Variants in HEPN1 observed in about 807,000 individuals in gnomAD.
HEPN1 encodes the protein protein HEPN1.
For missense variants in HEPN1, 97 were observed against 103.3 expected (o/e 0.94, Z 0.26); for synonymous variants, 46 against 41.2 (o/e 1.12, Z -0.45).
At chr11:124,920,442 C>T (rs954364993) in exon 1 of HEPN1, 5 of 1,546,528 alleles carry the variant, frequency 3.2e-6, no homozygotes, top group Non-Finnish European at 4.4e-6. Flanking sequence ...GCCAAGCTGG[C>T]AGGCTCGGGT....
chr11:124,920,534 T>G, exon 1 of HEPN1: 1 of 1,418,150 alleles, frequency 7.1e-7, no homozygotes, highest in Non-Finnish European at 9.4e-7. Context: ...GGTCCCCAGG[T>G]ACCAGGTGCC....
exon 1 of HEPN1, chr11:124,920,382 CAGAA>C: frequency 1.3e-6 from 2 of 1,546,988 alleles, no homozygotes; most frequent in African/African-American, 1.4e-5. Context: ...TGAACAGAGA[CAGAA>C]AGAGTGCTTG....
At chr11:124,920,107 T>G (rs1013865157) in exon 1 of HEPN1, 15 of 1,415,470 alleles carry the variant, frequency 1.1e-5, no homozygotes, top group Non-Finnish European at 1.4e-5. Flanking sequence ...TTGGATCATG[T>G]TCCCCCCAAA....
chr11:124,920,160 T>A, exon 1 of HEPN1: 1 of 1,006,958 alleles, frequency 9.9e-7, no homozygotes, highest in South Asian at 1.6e-5. Context: ...ACCATTTCTC[T>A]GGAGATTAGG....
chr11:124,920,006 A>T (rs1947104447), exon 1 of HEPN1: 3 of 1,612,506 alleles, frequency 1.9e-6, no homozygotes, highest in Non-Finnish European at 2.5e-6. Context: ...CTTTATTTTG[A>T]TGTTAGTGTG....
At chr11:124,920,374 A>T in exon 1 of HEPN1, 1 of 1,545,300 alleles carries the variant, frequency 6.5e-7, no homozygotes, top group African/African-American at 1.4e-5. Flanking sequence ...TTTATTCATG[A>T]ACAGAGACAG....
chr11:124,920,632 G>C, exon 1 of HEPN1: 4 of 1,008,156 alleles, frequency 4.0e-6, no homozygotes, highest in Non-Finnish European at 4.7e-6. Flanking sequence ...CCTTAGCTTA[G>C]TGCAGCTGTG....
exon 1 of HEPN1, chr11:124,920,112 C>T (rs1947106607): frequency 7.2e-7 from 1 of 1,385,122 alleles, no homozygotes; most frequent in South Asian, 1.4e-5. Context: ...TCATGTTCCC[C>T]CCAAATGCTG....
At position 124,920,149 on chromosome 11, in the gene HEPN1, C is replaced by A. The variant is rs886047920; in HGVS notation, c.*132C>A. 1.6e-4 allele frequency: 173 copies of A among 1,058,408 alleles called. No homozygotes were observed. The African/African-American group carries it at 2.1e-3, about 13-fold the overall frequency. 65.6% of individuals were successfully genotyped at this position (1,058,408 alleles called of 1,614,324 possible). On this transcript the variant is annotated 3_prime_UTR_variant, in exon 1 of 1. Transcript: ENST00000408930. ...GAAGCAATAAGCCTCCTCCTCCCCCCACCATTTCTCTGGAGATTAGGACTT... is the reference window on the plus strand; with the variant it reads ...GAAGCAATAAGCCTCCTCCTCCCCCAACCATTTCTCTGGAGATTAGGACTT...
exon 1 of HEPN1, chr11:124,920,629 T>A: frequency 9.5e-7 from 1 of 1,050,498 alleles, no homozygotes; most frequent in Non-Finnish European, 1.2e-6. Flanking sequence ...TCTCCTTAGC[T>A]TAGTGCAGCT....
chr11:124,920,392 G>C, exon 1 of HEPN1: 3 of 1,548,454 alleles, frequency 1.9e-6, no homozygotes, highest in Non-Finnish European at 1.7e-6. Context: ...CAGAAAGAGT[G>C]CTTGGCATGG....
At chr11:124,919,586 G>A (rs1438472405) in exon 1 of HEPN1, 1 of 684,428 alleles carries the variant, frequency 1.5e-6, no homozygotes, top group African/African-American at 1.8e-5. Flanking sequence ...AGGCACCTGG[G>A]AAGTTTAGGG....
rs1565335668 is a variant in HEPN1, at chr11:124,919,603, C to T, written c.-148C>T. On this transcript the variant is annotated 5_prime_UTR_variant, in exon 1 of 1. It introduces an in-frame stop codon into an upstream open reading frame of the 5' UTR. Coordinates refer to ENST00000408930, the Ensembl canonical transcript of HEPN1. ...GCACCTGGGAAGTTTAGGGGAGCTG[C>T]GAAGGCACACCTGCTCAAATGAGCC... 8 of 850,312 alleles carry T rather than the reference C, an allele frequency of 9.4e-6. No individual in the cohort carries two copies. In the African/African-American group the frequency reaches 1.0e-4, roughly 11 times the overall value. The allele number at this position is 850,312 out of a possible 1,614,324, so 52.7% of individuals were successfully genotyped here. A position where few individuals can be genotyped will look rare whatever the true frequency, so the allele number is the denominator to read the frequency against.
At chr11:124,920,437 G>A (rs1947112219) in exon 1 of HEPN1, 5 of 1,547,412 alleles carry the variant, frequency 3.2e-6, no homozygotes, top group Non-Finnish European at 3.5e-6. Flanking sequence ...AGGAGGCCAA[G>A]CTGGCAGGCT....
chr11:124,919,720 C>A lies in HEPN1; in HGVS notation c.-31C>A. On this transcript the variant is annotated 5_prime_UTR_variant, in exon 1 of 1. In the 5' UTR this introduces an upstream ATG that the reference lacks. Transcript: ENST00000408930. ...ACTAGAAATGTCAGTGCCTTTGGGG[C>A]TGAGACAAAACTTGACCTGGTGTGG... is the stretch of plus-strand genomic sequence containing the variant. 1 of 1,608,480 alleles carries A rather than the reference C, an allele frequency of 6.2e-7. No individual in the cohort carries two copies. The highest frequency in any genetic ancestry group is 8.5e-7 in the Non-Finnish European group (1 of 1,177,356).
exon 1 of HEPN1, chr11:124,920,448 C>G (rs373102814): frequency 3.2e-6 from 5 of 1,545,890 alleles, no homozygotes; most frequent in Non-Finnish European, 4.4e-6. Flanking sequence ...CTGGCAGGCT[C>G]GGGTTCTTTG....
exon 1 of HEPN1, chr11:124,920,015 T>G: frequency 6.2e-7 from 1 of 1,611,832 alleles, no homozygotes; most frequent in South Asian, 1.1e-5. Context: ...GATGTTAGTG[T>G]GATTAGGGAG....
exon 1 of HEPN1, chr11:124,919,749 T>C: frequency 6.2e-7 from 1 of 1,612,694 alleles, no homozygotes; most frequent in Non-Finnish European, 8.5e-7. Flanking sequence ...GGTGTGGAGG[T>C]GATGGGTAAC....
chr11:124,920,528 C>T, exon 1 of HEPN1: 1 of 1,433,380 alleles, frequency 7.0e-7, no homozygotes, highest in South Asian at 1.3e-5. Flanking sequence ...CTTGTAGGTC[C>T]CCAGGTACCA....
Sources: allele counts gnomAD v4.1 joint callset, GRCh38; gene constraint gnomAD v4.1.1; transcripts MANE v1.5; gene names NCBI Gene and HGNC (gene_info 2026-07-23, HGNC 2026-07-21).